The following LAPTM4A variants were observed in gnomAD, a reference collection of about 807,000 sequenced individuals.
LAPTM4A encodes the protein lysosomal protein transmembrane 4 alpha.
A neutral mutation model predicts 29.9 loss-of-function variants in LAPTM4A; 19 were observed. The observed-to-expected ratio is 0.64, with a 90% CI of 0.44 to 0.93. The LOEUF (loss-of-function observed/expected upper bound fraction) is 0.93. Among genes scored for constraint, LAPTM4A ranks in the 40% least tolerant of loss-of-function variants. LAPTM4A has a pLI of 0.00. For synonymous variants in LAPTM4A, 105 were observed against 102.1 expected, an observed-to-expected ratio of 1.03 and a Z score of -0.17; for missense variants, 293 against 288.5, an observed-to-expected ratio of 1.02 and a Z score of -0.11.
chr2:20,039,238 G>A (rs1452650544), intron 2 of LAPTM4A, among the ~76,000 whole-genome samples: 2 of 152,096 alleles, frequency 1.3e-5, no homozygotes, highest in East Asian at 3.9e-4. Flanking sequence ...TTTATCACTG[G>A]GCAGTAAAAC....
chr2:20,042,461 C>T (rs937548472), intron 1 of LAPTM4A, among the ~76,000 whole-genome samples: 7 of 152,196 alleles, frequency 4.6e-5, no homozygotes, highest in Non-Finnish European at 1.0e-4. Context: ...GATGTGGATT[C>T]TGACACACTA....
At chr2:20,050,748 A>C (rs1674040448) in intron 1 of LAPTM4A, among the ~76,000 whole-genome samples, 1 of 152,208 alleles carries the variant, frequency 6.6e-6, no homozygotes, top group Admixed American at 6.5e-5. Flanking sequence ...GTCTCTGTAA[A>C]AACAGCCGGT....
chr2:20,037,260 GT>G (rs748717949), intron 4 of LAPTM4A, 55 bp downstream of exon 4: 1 of 1,410,156 alleles, frequency 7.1e-7, no homozygotes, highest in South Asian at 1.4e-5. Flanking sequence ...GAATTTAAAT[GT>G]AAACATTTTA....
chr2:20,046,612 C>T (rs1673924502), intron 1 of LAPTM4A, among the ~76,000 whole-genome samples: 1 of 150,902 alleles, frequency 6.6e-6, no homozygotes, highest in African/African-American at 2.4e-5. Flanking sequence ...TTCAGCCTCC[C>T]CTGTAGCTGG....
At position 20,037,424 on chromosome 2, in the gene LAPTM4A, C is replaced by T; in HGVS notation, c.324G>A (p.Trp108Ter). Residue 108 changes from tryptophan (W) to a stop codon, truncating the protein, a stop_gained, in exon 4 of 7, where the codon TGG (tryptophan) becomes TGA (stop). Transcript: ENST00000175091. LOFTEE classifies it high-confidence loss of function. ...VYGAISYQVG[W>*]LIPFFCYRLF... is the part of the protein sequence containing the mutation. ...GTCGGTAACAGAAGAATGGAATCAGCCAACCCACTTGATACTGGAGAAAAA... is the reference window on the plus strand; with the variant it reads ...GTCGGTAACAGAAGAATGGAATCAGTCAACCCACTTGATACTGGAGAAAAA... 6.2e-7 allele frequency: 1 copy of T among 1,611,084 alleles called. No individual in the cohort carries two copies. Among genetic ancestry groups the T allele is most frequent in the Non-Finnish European group, 8.5e-7 (1 of 1,179,118 alleles).
rs1432351457 is a variant in LAPTM4A at position 20,034,534 on chromosome 2, C to T, written c.529-119G>A. 1.8e-5 allele frequency: 13 copies of T among 721,412 alleles called. No homozygotes were observed. The East Asian group carries it at 3.4e-4, about 19-fold the overall frequency. 44.7% of individuals were successfully genotyped at this position (721,412 alleles called of 1,614,324 possible). On this transcript the variant is annotated intron_variant, in intron 5 of 6. Coordinates refer to ENST00000175091, the MANE Select transcript of LAPTM4A (RefSeq NM_014713.5). ...CCTCTGTGTAGAAGGGAGCTGACCT[C>T]TGTGTGGACCCAGCACAGGCCAGGC...
chr2:20,043,017 G>A, intron 1 of LAPTM4A, among the ~76,000 whole-genome samples: 1 of 151,750 alleles, frequency 6.6e-6, no homozygotes, highest in Non-Finnish European at 1.5e-5. Flanking sequence ...TCGGCTCACT[G>A]CAGCCTCCAC....
chr2:20,044,273 A>G (rs903635232), intron 1 of LAPTM4A, among the ~76,000 whole-genome samples: 7 of 152,200 alleles, frequency 4.6e-5, no homozygotes, highest in Non-Finnish European at 8.8e-5. Flanking sequence ...CTAAAACGTT[A>G]TATGTTCTGT....
intron 4 of LAPTM4A, among the ~76,000 whole-genome samples, chr2:20,036,321 G>A (rs750588710): frequency 1.3e-5 from 2 of 152,132 alleles, no homozygotes; most frequent in African/African-American, 2.4e-5. Flanking sequence ...CTGGAACATT[G>A]TCTTCTATAC....
intron 1 of LAPTM4A, among the ~76,000 whole-genome samples, chr2:20,046,740 A>AAT (rs1179354761): frequency 2.1e-5 from 3 of 144,318 alleles, no homozygotes; most frequent in African/African-American, 7.5e-5. Context: ...TCTATATATA[A>AAT]ATATATATTA....
In LAPTM4A at chr2:20,038,295, C is replaced by G. The variant is rs920526631; in HGVS notation, c.233-681G>C. ...TTCTCAACTCTTCCTCAGGTTGTTC[C>G]AACTCTCCATTAATCCATGTTCACT... On this transcript the variant is annotated intron_variant, in intron 2 of 6. Coordinates refer to ENST00000175091, the MANE Select transcript of LAPTM4A (RefSeq NM_014713.5). Among the ~76,000 whole-genome samples, 8 of 152,156 alleles carry G rather than the reference C, an allele frequency of 5.3e-5. No individual in the cohort carries two copies. The East Asian group carries it at 1.5e-3, about 29-fold the overall frequency.
chr2:20,035,073 A>AAC lies in LAPTM4A; in HGVS notation c.433-13_433-12dup, dbSNP rs551250008. On this transcript the variant is annotated splice_polypyrimidine_tract_variant and intron_variant, in intron 4 of 6. Transcript: ENST00000175091. Reference sequence around the variant, plus strand: ...GTAGGGAAAATCAGGCTATTAAAGAAACACACACACATTTACAAGTCAGCC... The same window carrying AAC: ...GTAGGGAAAATCAGGCTATTAAAGAAACACACACACACATTTACAAGTCAGCC... The AAC allele has an allele frequency of 1.3e-6, 2 of 1,579,322 alleles. No individual in the cohort carries two copies. Among genetic ancestry groups the AAC allele is most frequent in the East Asian group, 2.3e-5 (1 of 44,290 alleles).
At chr2:20,051,135 G>A (rs1313096343) in intron 1 of LAPTM4A, among the ~76,000 whole-genome samples, 1 of 152,158 alleles carries the variant, frequency 6.6e-6, no homozygotes, top group Non-Finnish European at 1.5e-5. Context: ...CGCCTGCAAA[G>A]CCTCTGCTCT....
chr2:20,047,621 C>A (rs1481701288), intron 1 of LAPTM4A, among the ~76,000 whole-genome samples: 1 of 148,576 alleles, frequency 6.7e-6, no homozygotes, highest in Admixed American at 6.7e-5. Flanking sequence ...ACCCGGGAAG[C>A]GGAGCTTGCA....
chr2:20,043,256 C>T (rs1181941921), intron 1 of LAPTM4A, among the ~76,000 whole-genome samples: 1 of 147,934 alleles, frequency 6.8e-6, no homozygotes, highest in Non-Finnish European at 1.5e-5. Flanking sequence ...GCTCTGTCAC[C>T]CAGGCTGGAG....
intron 1 of LAPTM4A, among the ~76,000 whole-genome samples, chr2:20,047,342 C>G (rs1457675106): frequency 2.9e-5 from 4 of 139,636 alleles, no homozygotes; most frequent in African/African-American, 1.1e-4. Context: ...GAGCCGAGAT[C>G]GCACCACTGC....
chr2:20,033,584 G>A (rs13415152), intron 6 of LAPTM4A, among the ~76,000 whole-genome samples: 30,526 of 152,148 alleles, frequency 0.2, 3,280 homozygotes, highest in Admixed American at 0.24. Flanking sequence ...TGTGACCGAT[G>A]AAGTGCCAGT....
At chr2:20,043,510 C>T (rs367977011) in intron 1 of LAPTM4A, among the ~76,000 whole-genome samples, 2 of 152,308 alleles carry the variant, frequency 1.3e-5, no homozygotes, top group Middle Eastern at 3.4e-3. Flanking sequence ...GCCACTGTGT[C>T]GGCCAGCTAT....
intron 1 of LAPTM4A, among the ~76,000 whole-genome samples, chr2:20,046,290 T>A (rs142435258): frequency 2.3e-4 from 35 of 152,106 alleles, no homozygotes; most frequent in South Asian, 8.3e-4. Flanking sequence ...ATGGCACATG[T>A]ATACCTATGC....
Sources: allele counts gnomAD v4.1 joint callset (sites outside exome capture counted in the v4.1 genomes callset), GRCh38; gene constraint gnomAD v4.1.1; transcripts MANE v1.5; gene names NCBI Gene and HGNC (gene_info 2026-07-23, HGNC 2026-07-21).